Variants in ATP10D observed in about 807,000 individuals in gnomAD.
ATP10D encodes the protein phospholipid-transporting ATPase VD.
ATP10D carries 89 observed loss-of-function variants against 144.8 expected under a neutral mutation model. The ratio of observed to expected loss-of-function variants is 0.61; its 90% CI spans 0.52 to 0.73. The LOEUF (loss-of-function observed/expected upper bound fraction) is 0.73, where lower values mean the gene tolerates loss of function less well. Among genes scored for constraint, ATP10D ranks in the 30% least tolerant of loss-of-function variants. The pLI, the probability that ATP10D is intolerant of heterozygous loss-of-function variation, is 0.00. For missense variants in ATP10D, 1,603 were observed against 1,714.8 expected, an observed-to-expected ratio of 0.93 and a Z score of 1.15; for synonymous variants, 571 against 615.1, an observed-to-expected ratio of 0.93 and a Z score of 1.06.
chr4:47,501,988 GC>G (rs1715703048), intron 1 of ATP10D, among the ~76,000 whole-genome samples: 1 of 152,070 alleles, frequency 6.6e-6, no homozygotes, highest in Admixed American at 6.5e-5. Flanking sequence ...ATATGTTTAT[GC>G]TTTTTTCAGC....
chr4:47,551,065 G>A (rs944110321), intron 10 of ATP10D, among the ~76,000 whole-genome samples: 1 of 152,198 alleles, frequency 6.6e-6, no homozygotes, highest in Non-Finnish European at 1.5e-5. Context: ...CAGATGATTG[G>A]CTATTTGTTT....
At chr4:47,579,289 G>A (rs889042239) in intron 19 of ATP10D, among the ~76,000 whole-genome samples, 4 of 152,118 alleles carry the variant, frequency 2.6e-5, no homozygotes, top group South Asian at 2.1e-4. Context: ...TTATTAACCC[G>A]ATAAATATTT....
At chr4:47,511,159 A>C (rs1331843840) in intron 1 of ATP10D, among the ~76,000 whole-genome samples, 1 of 152,190 alleles carries the variant, frequency 6.6e-6, no homozygotes, top group Non-Finnish European at 1.5e-5. Context: ...CTTTTCAAAT[A>C]TACTTCGGAG....
chr4:47,492,595 CAT>C (rs776931965), intron 1 of ATP10D, among the ~76,000 whole-genome samples: 2 of 152,090 alleles, frequency 1.3e-5, no homozygotes, highest in African/African-American at 4.8e-5. Context: ...AAGTAATTGA[CAT>C]GTGTAATCCA....
At position 47,522,996 on chromosome 4, in the gene ATP10D, T is replaced by A; in HGVS notation, c.486-16T>A. 6.5e-7 allele frequency: 1 copy of A among 1,550,056 alleles called. No individual in the cohort carries two copies. Among genetic ancestry groups the A allele is most frequent in the Non-Finnish European group, 8.8e-7 (1 of 1,139,758 alleles). On this transcript the variant is annotated splice_polypyrimidine_tract_variant and intron_variant, in intron 3 of 22. Coordinates refer to ENST00000273859, the MANE Select transcript of ATP10D (RefSeq NM_020453.4). ...CTTGATATTCTTTTTTTTTTTTAAC[T>A]TTTTTTTAATTACAGGAAAGAGAAA... is the stretch of plus-strand genomic sequence containing the variant.
intron 1 of ATP10D, among the ~76,000 whole-genome samples, chr4:47,486,514 C>T (rs1714765560): frequency 6.6e-6 from 1 of 152,210 alleles, no homozygotes; most frequent in South Asian, 2.1e-4. Context: ...TCATGTAGGT[C>T]ACATTTCTGT....
intron 3 of ATP10D, among the ~76,000 whole-genome samples, chr4:47,517,107 A>C (rs1716731463): frequency 6.6e-6 from 1 of 152,232 alleles, no homozygotes; most frequent in South Asian, 2.1e-4. Flanking sequence ...TTTTGAATAC[A>C]AATGCAAATA....
At chr4:47,542,663 G>C (rs1425793636) in intron 9 of ATP10D, among the ~76,000 whole-genome samples, 2 of 151,754 alleles carry the variant, frequency 1.3e-5, no homozygotes, top group Non-Finnish European at 2.9e-5. Context: ...ATTTTTAGTA[G>C]AGATGGGGTT....
rs770987331 is a variant in ATP10D at position 47,535,524 on chromosome 4, A to G, written c.792A>G (p.Lys264=). 2.5e-5 allele frequency: 41 copies of G among 1,610,946 alleles called. No homozygotes were observed. The East Asian group carries it at 8.9e-4, about 35-fold the overall frequency. ...TTTCTTATAGAGAACATTCCAACAA[A>G]GAACGCGTGGGTCTCAGTAAAGAAA... is the stretch of plus-strand genomic sequence containing the variant. ...RFRGFLEHSN[K]ERVGLSKENL... The change falls in exon 6 of 23, where the codon AAA becomes AAG. Residue 264 remains lysine, a synonymous_variant. Transcript: ENST00000273859.
chr4:47,535,643 C>A lies in ATP10D; in HGVS notation c.883+28C>A. 7 of 1,564,942 alleles carry A rather than the reference C, an allele frequency of 4.5e-6. No individual in the cohort carries two copies. In the South Asian group the frequency reaches 8.3e-5, roughly 18 times the overall value. On this transcript the variant is annotated intron_variant, in intron 6 of 22. Coordinates refer to ENST00000273859, the MANE Select transcript of ATP10D (RefSeq NM_020453.4). ...CGGTTATGTTTCTAATTTTCATTGT[C>A]TACTCTGTGCTTTTCTACAAGTTAA...
Position 47,572,918 on chromosome 4 carries a change from G to A in ATP10D, c.3287G>A (p.Ser1096Asn). 6.2e-7 allele frequency: 1 copy of A among 1,614,082 alleles called. No individual in the cohort carries two copies. Among genetic ancestry groups the A allele is most frequent in the Non-Finnish European group, 8.5e-7 (1 of 1,180,014 alleles). ...DFAVSQFKHL[S>N]KLLLVHGHWC... Reference sequence around the variant, plus strand: ...GCCGTTTCTCAGTTCAAACATCTCAGCAAGCTCCTTCTTGTCCATGGACAC... The same window carrying A: ...GCCGTTTCTCAGTTCAAACATCTCAACAAGCTCCTTCTTGTCCATGGACAC... The change falls in exon 18 of 23, where the codon AGC becomes AAC. Residue 1096 changes from serine (S) to asparagine (N), a missense_variant. Ser to Asn is a conservative substitution (Grantham distance 46). Coordinates refer to ENST00000273859, the MANE Select transcript of ATP10D (RefSeq NM_020453.4).
At chr4:47,560,802 G>A (rs1719255917) in intron 13 of ATP10D, 147 bp from the exon 14 acceptor site, 1 of 936,106 alleles carries the variant, frequency 1.1e-6, no homozygotes, top group Non-Finnish European at 1.6e-6. Flanking sequence ...TCCAGGTGGT[G>A]TGAGGATATG....
At chr4:47,577,270 C>A (rs999159691) in intron 19 of ATP10D, among the ~76,000 whole-genome samples, 1 of 152,176 alleles carries the variant, frequency 6.6e-6, no homozygotes. Context: ...TACTTAACAT[C>A]CCCCGTCTGA....
intron 1 of ATP10D, among the ~76,000 whole-genome samples, chr4:47,494,996 T>A (rs1047342427): frequency 8.5e-5 from 13 of 152,336 alleles, no homozygotes; most frequent in Admixed American, 2.0e-4. Flanking sequence ...AGGTAACTTT[T>A]AGTAATTATC....
chr4:47,499,951 T>C (rs1384609575), intron 1 of ATP10D, among the ~76,000 whole-genome samples: 3 of 152,262 alleles, frequency 2.0e-5, no homozygotes, highest in African/African-American at 4.8e-5. Flanking sequence ...ATGTGAACTG[T>C]AATAACTTCA....
chr4:47,530,112 T>G (rs913431104), intron 5 of ATP10D, among the ~76,000 whole-genome samples: 3 of 152,196 alleles, frequency 2.0e-5, no homozygotes, highest in African/African-American at 7.2e-5. Context: ...TGACTTCCTA[T>G]TTTCCAATTT....
At chr4:47,569,278 T>A (rs1719821083) in intron 16 of ATP10D, 132 bp downstream of exon 16, 1 of 1,035,820 alleles carries the variant, frequency 9.7e-7, no homozygotes, top group Non-Finnish European at 1.4e-6. Context: ...CATTCATGCC[T>A]TCCCATCACC....
chr4:47,515,521 A>G lies in ATP10D; in HGVS notation c.336A>G (p.Val112=), dbSNP rs1338808511. ...TGTTCCTAGTTGTCCTGAACTGGGT[A>G]CCTTTGGTAGAAGCCTTCCAAAAGG... The part of the protein sequence containing the change: ...YFLFLVVLNW[V]PLVEAFQKEI... The change falls in exon 3 of 23, where the codon GTA becomes GTG. Residue 112 remains valine (V), a synonymous_variant. Transcript: ENST00000273859. 2.5e-6 allele frequency: 4 copies of G among 1,613,938 alleles called. No homozygotes were observed. Among genetic ancestry groups the G allele is most frequent in the Non-Finnish European group, 3.4e-6 (4 of 1,179,878 alleles).
At position 47,591,701 on chromosome 4, in the gene ATP10D, T is replaced by C. The variant is rs1025408549; in HGVS notation, c.*320T>C. 1 of 178,794 alleles carries C rather than the reference T, an allele frequency of 5.6e-6. No individual in the cohort carries two copies. Among genetic ancestry groups the C allele is most frequent in the Non-Finnish European group, 1.2e-5 (1 of 86,098 alleles). The allele number at this position is 178,794 out of a possible 1,614,324, so 11.1% of individuals were successfully genotyped here. A position where few individuals can be genotyped will look rare whatever the true frequency, so the allele number is the denominator to read the frequency against. Reference sequence around the variant, plus strand: ...TTTTCAAGGGGAGTCATTTGAGATATATTTATTTTACTAGGAGATCTTATA... The same window carrying C: ...TTTTCAAGGGGAGTCATTTGAGATACATTTATTTTACTAGGAGATCTTATA... On this transcript the variant is annotated 3_prime_UTR_variant, in exon 23 of 23. Transcript: ENST00000273859.
Sources: allele counts gnomAD v4.1 joint callset (sites outside exome capture counted in the v4.1 genomes callset), GRCh38; gene constraint gnomAD v4.1.1; transcripts MANE v1.5; gene names NCBI Gene and HGNC (gene_info 2026-07-23, HGNC 2026-07-21).